ZDHHC15: variants seen among roughly 807,000 people sequenced by gnomAD.
ZDHHC15 encodes palmitoyltransferase ZDHHC15.
In ZDHHC15, 19 loss-of-function variants were observed where a neutral mutation model predicts 31.7. That is an observed-to-expected ratio of 0.60 (90% CI 0.42 to 0.88). The LOEUF (loss-of-function observed/expected upper bound fraction) is 0.88. ZDHHC15 is among the 40% of genes least tolerant of loss of function. The pLI is 0.00. For missense variants in ZDHHC15, 209 were observed against 251.2 expected (o/e 0.83, Z 1.14); for synonymous variants, 103 against 90.0 (o/e 1.14, Z -0.82).
In ZDHHC15 at chrX:75,418,945, A is replaced by C. The variant is rs190131291; in HGVS notation, c.864-1755T>G. Among the ~76,000 whole-genome samples, 5 of 112,591 alleles carry C rather than the reference A, an allele frequency of 4.4e-5. No individual in the cohort carries two copies. In the Admixed American group the frequency reaches 4.7e-4, roughly 11 times the overall value. On this transcript the variant is annotated intron_variant, in intron 9 of 11. Transcript: ENST00000373367. ...TCAAAAGCAATGGCAACAAAAGCCA[A>C]AATTGGCAAATGGGATTTGATTATA...
intron 4 of ZDHHC15, among the ~76,000 whole-genome samples, chrX:75,436,676 T>C (rs901305962): frequency 3.6e-5 from 4 of 112,351 alleles, no homozygotes; most frequent in African/African-American, 1.3e-4. Flanking sequence ...TTTCCAATTG[T>C]ATTCCACTGT....
Position 75,490,466 on chromosome X carries a change from C to T in ZDHHC15, c.164-11481G>A, listed in dbSNP as rs141375857. Among the ~76,000 whole-genome samples the T allele has an allele frequency of 8.0e-3, 892 of 111,468 alleles. 12 individuals are homozygous for T. The highest frequency in any genetic ancestry group is 0.027 in the African/African-American group (813 of 30,630). ...TTCTTAAAGAAAAGAATTTTCTTGG[C>T]GATGTGGGCTCTTTTTTGGTTCCAT... On this transcript the variant is annotated intron_variant, in intron 2 of 11. Transcript: ENST00000373367.
chrX:75,386,639 T>A (rs757972069), intron 10 of ZDHHC15, among the ~76,000 whole-genome samples: 7 of 110,106 alleles, frequency 6.4e-5, no homozygotes, highest in African/African-American at 2.3e-4. Flanking sequence ...CGACACCCAG[T>A]TAATTTTTGT....
chrX:75,476,779 C>T (rs1013336351), intron 3 of ZDHHC15, among the ~76,000 whole-genome samples: 9 of 106,191 alleles, frequency 8.5e-5, no homozygotes, highest in Non-Finnish European at 1.7e-4. Context: ...CTCTTCCCTC[C>T]TTCTCTCCTT....
At chrX:75,441,588 T>C (rs868134713) in intron 4 of ZDHHC15, among the ~76,000 whole-genome samples, 63 of 109,663 alleles carry the variant, frequency 5.7e-4, no homozygotes, top group African/African-American at 1.9e-3. Flanking sequence ...CTGTGAATTC[T>C]TTCCGCTTTC....
chrX:75,441,585 T>A (rs980012545), intron 4 of ZDHHC15, among the ~76,000 whole-genome samples: 2 of 109,762 alleles, frequency 1.8e-5, no homozygotes, highest in Non-Finnish European at 3.8e-5. Flanking sequence ...GATCTGTGAA[T>A]TCTTTCCGCT....
In ZDHHC15 at chrX:75,419,777, T is replaced by G. The variant is rs759758046; in HGVS notation, c.863+2087A>C. Among the ~76,000 whole-genome samples the G allele has an allele frequency of 4.0e-4, 43 of 108,396 alleles. No individual in the cohort carries two copies. The East Asian group carries it at 8.7e-3, about 22-fold the overall frequency. The allele number at this position is 108,396 out of a possible 115,157, so 94.1% of individuals were successfully genotyped here. On this transcript the variant is annotated intron_variant, in intron 9 of 11. Coordinates refer to ENST00000373367, the MANE Select transcript of ZDHHC15 (RefSeq NM_144969.3). ...TGGAATACTATGCAGTCATAAAAAATGATGAGTTCATGTCCTTTGTAGGGA... is the reference window on the plus strand; with the variant it reads ...TGGAATACTATGCAGTCATAAAAAAGGATGAGTTCATGTCCTTTGTAGGGA...
At chrX:75,396,707 C>T (rs1264189048) in intron 10 of ZDHHC15, among the ~76,000 whole-genome samples, 1 of 111,471 alleles carries the variant, frequency 9.0e-6, no homozygotes, top group African/African-American at 3.3e-5. Context: ...TATTGGAGCA[C>T]AACTCATAAT....
intron 3 of ZDHHC15, among the ~76,000 whole-genome samples, chrX:75,459,765 G>A (rs1368971247): frequency 4.4e-5 from 5 of 112,390 alleles, no homozygotes; most frequent in South Asian, 3.7e-4. Flanking sequence ...AAATTGTCCC[G>A]ATGAGGAAGG....
rs372980724 is a variant in ZDHHC15 at position 75,390,902 on chromosome X, TGA to T, written c.968-11706_968-11705del. On this transcript the variant is annotated intron_variant, in intron 10 of 11. Transcript: ENST00000373367. Reference sequence around the variant, plus strand: ...GCATAATGACCAATCTCAGAGAGACTGAGATAGTAGACCTTTCAGACAGGAGA... The same window carrying T: ...GCATAATGACCAATCTCAGAGAGACTGATAGTAGACCTTTCAGACAGGAGA... Among the ~76,000 whole-genome samples the T allele has an allele frequency of 8.0e-3, 890 of 111,806 alleles. 10 individuals carry two copies. The highest frequency in any genetic ancestry group is 0.027 in the African/African-American group (820 of 30,781).
At chrX:75,424,588 C>A in intron 8 of ZDHHC15, 64 bp downstream of exon 8, 1 of 1,072,572 alleles carries the variant, frequency 9.3e-7, no homozygotes, top group Non-Finnish European at 1.2e-6. Flanking sequence ...TAATTGGGAA[C>A]AATTCACAGG....
At chrX:75,470,846 C>A (rs2084493438) in intron 3 of ZDHHC15, among the ~76,000 whole-genome samples, 1 of 111,321 alleles carries the variant, frequency 9.0e-6, no homozygotes, top group Non-Finnish European at 1.9e-5. Flanking sequence ...TGGGAAAGAC[C>A]AAATGGAAGC....
At chrX:75,385,285 C>A (rs745587520) in intron 10 of ZDHHC15, among the ~76,000 whole-genome samples, 1 of 110,952 alleles carries the variant, frequency 9.0e-6, no homozygotes, top group Admixed American at 9.6e-5. Context: ...AGGAGAAGGG[C>A]TCTCACCAAT....
At chrX:75,457,862 A>T (rs191153022) in intron 3 of ZDHHC15, among the ~76,000 whole-genome samples, 14 of 112,012 alleles carry the variant, frequency 1.2e-4, no homozygotes, top group Non-Finnish European at 5.6e-5. Context: ...TAATCTAGAG[A>T]TGATTTAAAA....
intron 3 of ZDHHC15, among the ~76,000 whole-genome samples, chrX:75,454,943 C>G (rs1042094275): frequency 3.6e-5 from 4 of 110,872 alleles, no homozygotes; most frequent in African/African-American, 1.3e-4. Context: ...CCATACTGCC[C>G]AAGGTAATTT....
At chrX:75,474,522 G>GTATA (rs1257726704) in intron 3 of ZDHHC15, among the ~76,000 whole-genome samples, 2 of 10,603 alleles carry the variant, frequency 1.9e-4, no homozygotes, top group Admixed American at 1.8e-3. Flanking sequence ...CCATATGTGT[G>GTATA]TATATATATA....
At chrX:75,516,651 A>C (rs1386934471) in intron 1 of ZDHHC15, among the ~76,000 whole-genome samples, 1 of 112,294 alleles carries the variant, frequency 8.9e-6, no homozygotes, top group African/African-American at 3.2e-5. Context: ...AAACCCAGGC[A>C]ATACGATTCA....
chrX:75,375,441 G>T, intron 11 of ZDHHC15, among the ~76,000 whole-genome samples: 1 of 110,881 alleles, frequency 9.0e-6, no homozygotes, highest in South Asian at 3.8e-4. Context: ...TTAGATTCGG[G>T]GTACATGTGC....
intron 3 of ZDHHC15, among the ~76,000 whole-genome samples, chrX:75,459,767 T>C (rs1166375577): frequency 1.8e-5 from 2 of 112,417 alleles, no homozygotes; most frequent in Non-Finnish European, 3.8e-5. Context: ...ATTGTCCCGA[T>C]GAGGAAGGGT....
Sources: allele counts gnomAD v4.1 joint callset (sites outside exome capture counted in the v4.1 genomes callset), GRCh38; gene constraint gnomAD v4.1.1; transcripts MANE v1.5; gene names NCBI Gene and HGNC (gene_info 2026-07-23, HGNC 2026-07-21).